Variants in COLGALT2 observed in about 807,000 individuals in gnomAD.
COLGALT2 encodes procollagen galactosyltransferase 2.
A neutral mutation model predicts 73.4 loss-of-function variants in COLGALT2; 49 were observed. The observed-to-expected ratio is 0.67, with a 90% CI of 0.53 to 0.85. The LOEUF (loss-of-function observed/expected upper bound fraction) is 0.85. COLGALT2 is among the 40% of genes least tolerant of loss of function. COLGALT2 has a pLI of 0.00. For synonymous variants in COLGALT2, 295 were observed against 307.6 expected, an observed-to-expected ratio of 0.96 and a Z score of 0.43; for missense variants, 722 against 790.2, an observed-to-expected ratio of 0.91 and a Z score of 1.03.
chr1:184,015,557 T>C (rs1306329193), intron 1 of COLGALT2, among the ~76,000 whole-genome samples: 1 of 152,248 alleles, frequency 6.6e-6, no homozygotes, highest in Non-Finnish European at 1.5e-5. Context: ...TCTCCGCATG[T>C]TTGCACATCT....
At chr1:184,001,698 A>G (rs1671931784) in intron 1 of COLGALT2, among the ~76,000 whole-genome samples, 1 of 152,242 alleles carries the variant, frequency 6.6e-6, no homozygotes, top group South Asian at 2.1e-4. Flanking sequence ...TCCCCAGCAC[A>G]TTCGTGTCAC....
chr1:183,936,348 CAGAAA>C lies in COLGALT2; in HGVS notation c.*2408_*2412del, dbSNP rs1278464119. On this transcript the variant is annotated 3_prime_UTR_variant, in exon 12 of 12. Transcript: ENST00000361927. ...CACATCTGCGGCTCACAGTGTTCACCAGAAAAGAACACTGCTTGGGATTCTAGACC... is the reference window on the plus strand; with the variant it reads ...CACATCTGCGGCTCACAGTGTTCACCAGAACACTGCTTGGGATTCTAGACC... 1.0e-6 allele frequency: 1 copy of C among 975,518 alleles called. No homozygotes were observed. The highest frequency in any genetic ancestry group is 1.2e-6 in the Non-Finnish European group (1 of 824,766). 60.4% of individuals were successfully genotyped at this position (975,518 alleles called of 1,614,324 possible).
chr1:183,945,637 GTTA>G, intron 8 of COLGALT2, 73 bp from the exon 9 acceptor site: 2 of 1,492,200 alleles, frequency 1.3e-6, no homozygotes, highest in Non-Finnish European at 1.8e-6. Context: ...GAAAGAGAGA[GTTA>G]GTTCTGCAAA....
chr1:183,943,384 T>C (rs1201505298), intron 10 of COLGALT2, among the ~76,000 whole-genome samples: 1 of 152,022 alleles, frequency 6.6e-6, no homozygotes, highest in Non-Finnish European at 1.5e-5. Flanking sequence ...GCTTGGGAAC[T>C]TTCTGCTTCA....
chr1:183,972,341 C>G (rs1280857257), intron 4 of COLGALT2, among the ~76,000 whole-genome samples: 1 of 152,186 alleles, frequency 6.6e-6, no homozygotes, highest in Non-Finnish European at 1.5e-5. Context: ...CTCCTGGGTT[C>G]AAGTAATTGT....
exon 12 of COLGALT2, chr1:183,930,209 C>T (rs368491989): frequency 4.4e-6 from 2 of 456,014 alleles, no homozygotes; most frequent in South Asian, 1.5e-5. Context: ...AATGCCTTCT[C>T]CTAGGGTGCA....
At chr1:183,992,611 C>G (rs1572662449) in intron 1 of COLGALT2, among the ~76,000 whole-genome samples, 2 of 151,732 alleles carry the variant, frequency 1.3e-5, no homozygotes, top group South Asian at 4.1e-4. Flanking sequence ...AACTTTCAGT[C>G]AAGTTGTTTA....
At chr1:183,943,170 A>G (rs940741047) in intron 10 of COLGALT2, among the ~76,000 whole-genome samples, 3 of 152,238 alleles carry the variant, frequency 2.0e-5, no homozygotes, top group African/African-American at 7.2e-5. Flanking sequence ...TTACACAGTG[A>G]CGCATTAGTT....
Position 183,939,086 on chromosome 1 carries a change from T to A in COLGALT2, c.1605-49A>T, listed in dbSNP as rs114886160. On this transcript the variant is annotated intron_variant, in intron 11 of 11. Transcript: ENST00000361927. ...CACATGAGGGGGCGGAAAGGAGACT[T>A]ACGGAACAGGGACAAAGAGTGAAGG... 8.2e-4 allele frequency: 1,205 copies of A among 1,465,410 alleles called. 6 individuals are homozygous for A. The African/African-American group carries it at 0.015, about 18-fold the overall frequency. The allele number at this position is 1,465,410 out of a possible 1,614,324, so 90.8% of individuals were successfully genotyped here.
chr1:183,997,171 C>T (rs1390855555), intron 1 of COLGALT2, among the ~76,000 whole-genome samples: 1 of 152,130 alleles, frequency 6.6e-6, no homozygotes, highest in Non-Finnish European at 1.5e-5. Context: ...AAAAAAACCA[C>T]ATTTTGCTTA....
chr1:183,945,511 T>C lies in COLGALT2; in HGVS notation c.1190A>G (p.Tyr397Cys), dbSNP rs934076783. ...KALNIEMLPGYRDPYSSRPLT... is the reference protein window; with the variant it reads ...KALNIEMLPGCRDPYSSRPLT... ...AGGCCTGGAGGAATAGGGATCTCGA[T>C]AGCCAGGCAGCATTTCAATATTCAG... Residue 397 changes from tyrosine (Y) to cysteine (C), a missense_variant, in exon 9 of 12, where the codon TAT becomes TGT. Physicochemically the swap from Tyr to Cys is radical, Grantham distance 194. Transcript: ENST00000361927. 3.1e-6 allele frequency: 5 copies of C among 1,614,214 alleles called. No individual in the cohort carries two copies. Among genetic ancestry groups the C allele is most frequent in the Non-Finnish European group, 4.2e-6 (5 of 1,180,034 alleles).
intron 6 of COLGALT2, among the ~76,000 whole-genome samples, chr1:183,957,765 CT>C (rs1381523970): frequency 7.3e-6 from 1 of 137,864 alleles, no homozygotes; most frequent in East Asian, 2.0e-4. Context: ...TTTATCTTCA[CT>C]TTTTTGTGGT....
At chr1:184,031,611 T>G (rs1649512007) in intron 1 of COLGALT2, among the ~76,000 whole-genome samples, 1 of 152,226 alleles carries the variant, frequency 6.6e-6, no homozygotes, top group Non-Finnish European at 1.5e-5. Context: ...GTACTCGGTC[T>G]GCAACATTAG....
Position 183,951,014 on chromosome 1 carries a change from C to A in COLGALT2, c.1129G>T (p.Asp377Tyr), listed in dbSNP as rs1406649414. 1 of 1,612,210 alleles carries A rather than the reference C, an allele frequency of 6.2e-7. No individual in the cohort carries two copies. Among genetic ancestry groups the A allele is most frequent in the Non-Finnish European group, 8.5e-7 (1 of 1,178,506 alleles). Residue 377 changes from aspartate (D) to tyrosine (Y), a missense_variant, in exon 8 of 12, where the codon GAT becomes TAT. Physicochemically the swap from Asp to Tyr is radical, Grantham distance 160 (BLOSUM62 -3). Transcript: ENST00000361927. ...AGAAGAAACCCAACTCACTTTCCAT[C>A]CACAGCCTCGACAATCTTGACCTCA... ...EIEVKIVEAV[D>Y]GKALNTSQLK...
At chr1:184,032,522 T>G (rs1015756507) in intron 1 of COLGALT2, among the ~76,000 whole-genome samples, 1 of 152,214 alleles carries the variant, frequency 6.6e-6, no homozygotes, top group African/African-American at 2.4e-5. Flanking sequence ...CTAGTCTATC[T>G]GACCCTAAGC....
Position 183,936,776 on chromosome 1 carries a change from G to C in COLGALT2, c.*1985C>G. ...GGTGGGAAAGGAAGTCACACTGACA[G>C]CTAAGTCTAAGCGGCACAATTTAGA... is the stretch of plus-strand genomic sequence containing the variant. On this transcript the variant is annotated 3_prime_UTR_variant, in exon 12 of 12. Coordinates refer to ENST00000361927, the MANE Select transcript of COLGALT2 (RefSeq NM_015101.4). 4 of 1,231,488 alleles carry C rather than the reference G, an allele frequency of 3.2e-6. No homozygotes were observed. Among genetic ancestry groups the C allele is most frequent in the Non-Finnish European group, 4.0e-6 (4 of 987,938 alleles). 76.3% of individuals were successfully genotyped at this position (1,231,488 alleles called of 1,614,324 possible). A position where few individuals can be genotyped will look rare whatever the true frequency, so the allele number is the denominator to read the frequency against.
chr1:183,973,815 C>T (rs1432729180), intron 3 of COLGALT2, 65 bp from the exon 4 acceptor site: 3 of 1,532,704 alleles, frequency 2.0e-6, no homozygotes, highest in Non-Finnish European at 2.7e-6. Flanking sequence ...TGAGAATAAC[C>T]CAGCCCTTCT....
At chr1:184,034,613 T>C (rs564435824) in intron 1 of COLGALT2, among the ~76,000 whole-genome samples, 3 of 152,346 alleles carry the variant, frequency 2.0e-5, no homozygotes, top group East Asian at 1.9e-4. Flanking sequence ...ATTAGAAGAA[T>C]ATGCTTGTAC....
intron 1 of COLGALT2, among the ~76,000 whole-genome samples, chr1:183,984,967 T>A (rs1215505391): frequency 3.3e-5 from 5 of 152,134 alleles, no homozygotes; most frequent in Non-Finnish European, 7.3e-5. Context: ...GAAGTCAACA[T>A]GTCTGCAGGA....
Sources: allele counts gnomAD v4.1 joint callset (sites outside exome capture counted in the v4.1 genomes callset), GRCh38; gene constraint gnomAD v4.1.1; transcripts MANE v1.5; gene names NCBI Gene and HGNC (gene_info 2026-07-23, HGNC 2026-07-21).